Variants in MAX observed in about 807,000 individuals in gnomAD.
MAX encodes protein max.
A neutral mutation model predicts 22.3 loss-of-function variants in MAX; 3 were observed. The observed-to-expected ratio is 0.13, with a 90% CI of 0.06 to 0.35. MAX has a LOEUF of 0.35. Ranked by LOEUF, MAX falls within the 10% of genes least tolerant of loss-of-function variation. The pLI, the probability that MAX is intolerant of heterozygous loss-of-function variation, is 1.00. For missense variants in MAX, 119 were observed against 209.4 expected, an observed-to-expected ratio of 0.57 and a Z score of 2.66; for synonymous variants, 72 against 77.7, an observed-to-expected ratio of 0.93 and a Z score of 0.39.
At chr14:65,070,371 T>G (rs1016021144), downstream of MAX, among the ~76,000 whole-genome samples, 1 of 152,192 alleles carries the variant, frequency 6.6e-6, no homozygotes, top group Non-Finnish European at 1.5e-5. The surrounding 1 kb of genome is among the most constrained non-coding windows in gnomAD (Gnocchi z 4.4). Flanking sequence ...TTTAATTTAC[T>G]GGAAAAAATT....
intron 3 of MAX, among the ~76,000 whole-genome samples, chr14:65,059,849 T>C (rs1039609648): frequency 6.6e-6 from 1 of 150,670 alleles, no homozygotes; most frequent in Non-Finnish European, 1.5e-5. Flanking sequence ...TTTTTTTTTT[T>C]TTTTGAGACA....
chr14:65,054,761 A>C lies in MAX; in HGVS notation c.171+38947T>G. 6.7e-7 allele frequency: 1 copy of C among 1,487,418 alleles called. No individual in the cohort carries two copies. The highest frequency in any genetic ancestry group is 9.2e-7 in the Non-Finnish European group (1 of 1,091,610). The allele number at this position is 1,487,418 out of a possible 1,614,324, so 92.1% of individuals were successfully genotyped here. A position where few individuals can be genotyped will look rare whatever the true frequency, so the allele number is the denominator to read the frequency against. ...CGGACAGAAGGCTTTCCAAGTAAGCAGAACTGGCTCTGCATTTCCTGTGTG... is the reference window on the plus strand; with the variant it reads ...CGGACAGAAGGCTTTCCAAGTAAGCCGAACTGGCTCTGCATTTCCTGTGTG... On this transcript the variant is annotated intron_variant, in intron 3 of 3. Coordinates refer to the MAX transcript ENST00000341653. The surrounding 1 kb of genome is among the most constrained non-coding windows in gnomAD (Gnocchi z 4.4).
In MAX at chr14:65,069,201, C is replaced by T. The variant is rs1228047501; in HGVS notation, c.171+24507G>A. Among the ~76,000 whole-genome samples, 1 of 152,200 alleles carries T rather than the reference C, an allele frequency of 6.6e-6. No homozygotes were observed. The highest frequency in any genetic ancestry group is 2.4e-5 in the African/African-American group (1 of 41,446). On this transcript the variant is annotated intron_variant, in intron 3 of 3. Transcript: ENST00000341653. This position sits in a 1 kb window ranked among gnomAD's most constrained non-coding sequence, Gnocchi z 4.6. ...GTGGTGGAATAGAATCGTGACCCAA[C>T]CTGTGCAGAGCAGATGGCTCTGGCC...
intron 2 of MAX, among the ~76,000 whole-genome samples, chr14:65,094,848 C>T (rs753152682): frequency 2.0e-5 from 3 of 152,360 alleles, no homozygotes; most frequent in South Asian, 2.1e-4. Context: ...CTAGGAATTA[C>T]GGAAATTATG....
chr14:65,080,354 T>A (rs895382468), intron 3 of MAX, among the ~76,000 whole-genome samples: 1 of 152,222 alleles, frequency 6.6e-6, no homozygotes, highest in African/African-American at 2.4e-5. Flanking sequence ...CTGTTTCCCA[T>A]TTCTACAAAG....
intron 3 of MAX, among the ~76,000 whole-genome samples, chr14:65,018,082 C>T (rs2061813854): frequency 6.6e-6 from 1 of 152,054 alleles, no homozygotes; most frequent in Non-Finnish European, 1.5e-5. Context: ...ATGATCACAC[C>T]TGTAACCCCA....
chr14:65,068,313 T>C lies in MAX; in HGVS notation c.171+25395A>G, dbSNP rs567926167. 6.6e-5 allele frequency among the ~76,000 whole-genome samples: 10 copies of C among 152,266 alleles called. No homozygotes were observed. The East Asian group carries it at 1.9e-3, about 29-fold the overall frequency. ...AGCCTGGTGTGGTGGCATACACCTGTAATCTCAGCTACTCGAGAAGCTGAG... is the reference window on the plus strand; with the variant it reads ...AGCCTGGTGTGGTGGCATACACCTGCAATCTCAGCTACTCGAGAAGCTGAG... On this transcript the variant is annotated intron_variant, in intron 3 of 3. Transcript: ENST00000341653.
At chr14:65,038,133 G>C (rs1359054702) in intron 3 of MAX, among the ~76,000 whole-genome samples, 1 of 152,132 alleles carries the variant, frequency 6.6e-6, no homozygotes, top group Non-Finnish European at 1.5e-5. Flanking sequence ...CTTTGAGGCT[G>C]GGCGTGGTGG....
At chr14:65,064,224 TAGTA>T (rs1352957841) in intron 3 of MAX, among the ~76,000 whole-genome samples, 2 of 152,176 alleles carry the variant, frequency 1.3e-5, no homozygotes, top group Admixed American at 6.5e-5. Flanking sequence ...AAGTGACAAA[TAGTA>T]AGGATTGGAC....
rs2139805412 is a variant in MAX at position 65,084,943 on chromosome 14, A to C, written c.172-6907T>G. Among the ~76,000 whole-genome samples, 1 of 149,772 alleles carries C rather than the reference A, an allele frequency of 6.7e-6. No homozygotes were observed. The highest frequency in any genetic ancestry group is 2.0e-4 in the East Asian group (1 of 5,110). On this transcript the variant is annotated intron_variant, in intron 3 of 4. Coordinates refer to ENST00000358664, the MANE Select transcript of MAX (RefSeq NM_002382.5). This position sits in a 1 kb window ranked among gnomAD's most constrained non-coding sequence, Gnocchi z 4.3. ...TTCTTTTCACATCCACTTTAAGATG[A>C]TGTCTAATTTTAGTCACATTAAATG...
At position 65,075,682 on chromosome 14, in the gene MAX, C is replaced by T. The variant is rs773871859; in HGVS notation, c.*794G>A. 25 of 1,066,376 alleles carry T rather than the reference C, an allele frequency of 2.3e-5. No individual in the cohort carries two copies. The highest frequency in any genetic ancestry group is 2.8e-5 in the Non-Finnish European group (25 of 879,858). 66.1% of individuals were successfully genotyped at this position (1,066,376 alleles called of 1,614,324 possible). ...TCATCACTGGCCCTCAATACAAAACCTCTATGCCACCCAAAACACCCTCCC... is the reference window on the plus strand; with the variant it reads ...TCATCACTGGCCCTCAATACAAAACTTCTATGCCACCCAAAACACCCTCCC... On this transcript the variant is annotated 3_prime_UTR_variant, in exon 5 of 5. Coordinates refer to ENST00000358664, the MANE Select transcript of MAX (RefSeq NM_002382.5). This position sits in a 1 kb window ranked among gnomAD's most constrained non-coding sequence, Gnocchi z 4.1.
chr14:65,040,818 G>A, intron 3 of MAX: 1 of 1,613,480 alleles, frequency 6.2e-7, no homozygotes, highest in Non-Finnish European at 8.5e-7. Context: ...TGGCATTGGC[G>A]GGGTACCAGG....
chr14:65,008,293 G>A (rs557067326), intron 3 of MAX, among the ~76,000 whole-genome samples: 3 of 152,176 alleles, frequency 2.0e-5, no homozygotes, highest in African/African-American at 2.4e-5. Flanking sequence ...CCCAGGTTTG[G>A]GGGGAGGAAG....
chr14:65,090,186 G>C (rs1477557696), intron 3 of MAX: 1 of 152,134 alleles, frequency 6.6e-6, no homozygotes, highest in Non-Finnish European at 1.5e-5. Flanking sequence ...AAGATTAATA[G>C]GCCTATCCAG....
At chr14:65,072,068 C>T (rs551067071), downstream of MAX, among the ~76,000 whole-genome samples, 74 of 152,294 alleles carry the variant, frequency 4.9e-4, no homozygotes, top group African/African-American at 1.6e-3. Context: ...TTTTTTCCTA[C>T]CTGGGTTTCC....
chr14:65,019,097 C>T (rs12437225), intron 3 of MAX, among the ~76,000 whole-genome samples: 11,275 of 152,122 alleles, frequency 0.074, 646 homozygotes, highest in East Asian at 0.29. Flanking sequence ...CGCTTGAACC[C>T]GGGAGGCGGA....
upstream of MAX, chr14:65,102,680 A>C (rs543024961): frequency 3.6e-5 from 24 of 658,964 alleles, no homozygotes; most frequent in Admixed American, 1.1e-3. Flanking sequence ...CATCCAGGCG[A>C]CGCCAGCCCG....
chr14:65,058,158 T>A (rs544984556), intron 3 of MAX, among the ~76,000 whole-genome samples: 1 of 152,200 alleles, frequency 6.6e-6, no homozygotes, highest in South Asian at 2.1e-4. Flanking sequence ...GAGAACTGAC[T>A]TCTTTTCAAT....
chr14:65,095,059 C>T (rs1232568673), intron 2 of MAX, among the ~76,000 whole-genome samples: 12 of 152,164 alleles, frequency 7.9e-5, no homozygotes, highest in Admixed American at 7.9e-4. Flanking sequence ...GATGTACAGA[C>T]AAAAATCTAT....
Sources: gnomAD v4.1 joint callset for allele counts (sites outside exome capture counted in the v4.1 genomes callset) on GRCh38, gnomAD v4.1.1 for gene constraint, Gnocchi (gnomAD v3.1) non-coding constraint, MANE v1.5 for transcripts, NCBI Gene and HGNC (gene_info 2026-07-23, HGNC 2026-07-21) for gene names.